Variants in TNIK observed in about 807,000 individuals in gnomAD.
TNIK encodes the protein TRAF2 and NCK interacting kinase.
TNIK carries 49 observed loss-of-function variants against 191.3 expected under a neutral mutation model. That is an observed-to-expected ratio of 0.26 (90% CI 0.20 to 0.32). TNIK has a LOEUF of 0.32. TNIK is among the 10% of genes least tolerant of loss of function. TNIK has a pLI of 1.00. For missense variants in TNIK, 1,155 were observed against 1,702.3 expected (o/e 0.68, Z 5.66); for synonymous variants, 594 against 600.9 (o/e 0.99, Z 0.17).
chr3:171,107,331 G>A, intron 20 of TNIK, 125 bp from the exon 21 acceptor site: 1 of 802,566 alleles, frequency 1.2e-6, no homozygotes, highest in East Asian at 2.8e-5. Flanking sequence ...AGGGCGAAGA[G>A]AATGTCAATC....
intron 12 of TNIK, among the ~76,000 whole-genome samples, chr3:171,157,157 A>G (rs1172979631): frequency 6.6e-6 from 1 of 152,202 alleles, no homozygotes; most frequent in African/African-American, 2.4e-5. Context: ...GAAATAGGAC[A>G]TGCTGGAGGG....
chr3:171,286,224 C>G (rs1029871940), intron 2 of TNIK, among the ~76,000 whole-genome samples: 2 of 152,190 alleles, frequency 1.3e-5, no homozygotes, highest in African/African-American at 4.8e-5. Flanking sequence ...CCTCCTTCTT[C>G]ATCCACCACT....
intron 4 of TNIK, among the ~76,000 whole-genome samples, chr3:171,204,950 A>G (rs1399110946): frequency 2.5e-4 from 38 of 152,212 alleles, no homozygotes; most frequent in Admixed American, 2.5e-3. Context: ...CTCTGAGCCT[A>G]GTTTCCTCCA....
chr3:171,302,791 T>C (rs951753188), intron 2 of TNIK, among the ~76,000 whole-genome samples: 7 of 152,150 alleles, frequency 4.6e-5, no homozygotes, highest in African/African-American at 9.7e-5. Context: ...CCTTCTACCC[T>C]CTCTCATTGC....
intron 1 of TNIK, among the ~76,000 whole-genome samples, chr3:171,416,914 G>C (rs1723162871): frequency 2.0e-5 from 3 of 152,160 alleles, no homozygotes; most frequent in Admixed American, 2.0e-4. Flanking sequence ...CAGTAGAAAT[G>C]ATACCTGGTT....
At position 171,364,356 on chromosome 3, in the gene TNIK, T is replaced by C. The variant is rs182304932; in HGVS notation, c.123+5264A>G. ...ATTAAACATAAGATCCACATCCCCA[T>C]CCCATTATAAAAAAAAAAAAATAGG... On this transcript the variant is annotated intron_variant, in intron 2 of 32. Transcript: ENST00000436636. 1.3e-4 allele frequency among the ~76,000 whole-genome samples: 19 copies of C among 150,180 alleles called. No homozygotes were observed. In the East Asian group the frequency reaches 3.3e-3, roughly 26 times the overall value.
intron 4 of TNIK, among the ~76,000 whole-genome samples, chr3:171,210,250 A>G (rs1273840881): frequency 6.6e-6 from 1 of 152,246 alleles, no homozygotes; most frequent in East Asian, 1.9e-4. Context: ...GCCATTGTAA[A>G]GTCCAGGCTT....
At chr3:171,424,205 T>C (rs991020539) in intron 1 of TNIK, among the ~76,000 whole-genome samples, 1 of 152,150 alleles carries the variant, frequency 6.6e-6, no homozygotes, top group Non-Finnish European at 1.5e-5. Flanking sequence ...AAGAAGACAT[T>C]TATGCAGCCA....
intron 2 of TNIK, among the ~76,000 whole-genome samples, chr3:171,343,444 A>T (rs1476948149): frequency 1.3e-5 from 2 of 152,210 alleles, no homozygotes; most frequent in East Asian, 3.9e-4. Context: ...GTTGTTGGTC[A>T]CCTTCACTGG....
chr3:171,075,358 G>A (rs1403561949), intron 28 of TNIK, among the ~76,000 whole-genome samples: 3 of 152,202 alleles, frequency 2.0e-5, no homozygotes, highest in Admixed American at 1.3e-4. Flanking sequence ...ATATGAATCT[G>A]AATTCTATTT....
chr3:171,381,873 C>T (rs566535350), intron 1 of TNIK, among the ~76,000 whole-genome samples: 28 of 152,278 alleles, frequency 1.8e-4, no homozygotes, highest in South Asian at 1.0e-3. Context: ...ATTTCTGATC[C>T]TGAGGTGAAT....
intron 2 of TNIK, among the ~76,000 whole-genome samples, chr3:171,287,038 T>C (rs1271340383): frequency 1.2e-4 from 19 of 152,204 alleles, no homozygotes; most frequent in Middle Eastern, 3.2e-3. Context: ...GTTGTTCTCA[T>C]AGAAAAACAT....
chr3:171,407,207 T>C (rs564591342), intron 1 of TNIK, among the ~76,000 whole-genome samples: 45 of 152,046 alleles, frequency 3.0e-4, no homozygotes, highest in Non-Finnish European at 5.4e-4. Flanking sequence ...AGAAGAGAAC[T>C]GGGGAGGCCT....
Position 171,460,357 on chromosome 3 carries a change from G to A in TNIK, c.-294C>T, listed in dbSNP as rs1020521594. ...GGGGCTGCGTGGGTGTATTTAAATG[G>A]GACATGCTTCTTTGCTTGTGCGTGG... On this transcript the variant is annotated 5_prime_UTR_variant, in exon 1 of 33. Coordinates refer to ENST00000436636, the MANE Select transcript of TNIK (RefSeq NM_015028.4). This position sits in a 1 kb window ranked among gnomAD's most constrained non-coding sequence, Gnocchi z 6.8. 2.2e-5 allele frequency: 11 copies of A among 507,040 alleles called. No homozygotes were observed. In the Admixed American group the frequency reaches 3.8e-4, roughly 18 times the overall value. 31.4% of individuals were successfully genotyped at this position (507,040 alleles called of 1,614,324 possible). A position where few individuals can be genotyped will look rare whatever the true frequency, so the allele number is the denominator to read the frequency against.
At chr3:171,140,601 T>C (rs994816429) in intron 12 of TNIK, 92 bp from the exon 13 acceptor site, 2 of 1,207,358 alleles carry the variant, frequency 1.7e-6, no homozygotes, top group Admixed American at 3.5e-5. Flanking sequence ...ACCCCAGACA[T>C]GAACTTTTAA....
At chr3:171,073,777 A>C (rs1719528362) in intron 28 of TNIK, among the ~76,000 whole-genome samples, 1 of 152,174 alleles carries the variant, frequency 6.6e-6, no homozygotes, top group East Asian at 1.9e-4. Context: ...TGAACATCAG[A>C]GAAATGTAAA....
intron 1 of TNIK, among the ~76,000 whole-genome samples, chr3:171,387,632 ATT>A (rs1560008024): frequency 6.6e-6 from 1 of 152,200 alleles, no homozygotes; most frequent in Non-Finnish European, 1.5e-5. Flanking sequence ...TGTGCAGCTG[ATT>A]ATTAAGTCAA....
At chr3:171,389,277 G>A (rs1719143772) in intron 1 of TNIK, among the ~76,000 whole-genome samples, 1 of 151,850 alleles carries the variant, frequency 6.6e-6, no homozygotes, top group Non-Finnish European at 1.5e-5. Flanking sequence ...CAGAAACTGT[G>A]TCCGTTGGTG....
chr3:171,228,262 A>G, intron 2 of TNIK, 41 bp from the exon 3 acceptor site: 1 of 1,610,534 alleles, frequency 6.2e-7, no homozygotes, highest in African/African-American at 1.3e-5. Flanking sequence ...AGTTCTGATG[A>G]TGAATAGTAG....
Sources: allele counts gnomAD v4.1 joint callset (sites outside exome capture counted in the v4.1 genomes callset), GRCh38; gene constraint gnomAD v4.1.1; non-coding constraint Gnocchi (gnomAD v3.1); transcripts MANE v1.5; gene names NCBI Gene and HGNC (gene_info 2026-07-23, HGNC 2026-07-21).